The following LSM14A variants were observed in gnomAD, a reference collection of about 807,000 sequenced individuals.
LSM14A encodes the protein protein LSM14 homolog A.
A neutral mutation model predicts 52.4 loss-of-function variants in LSM14A; 14 were observed. That is an observed-to-expected ratio of 0.27 (90% CI 0.18 to 0.42). The LOEUF (loss-of-function observed/expected upper bound fraction) is 0.42. LSM14A is among the 10% of genes least tolerant of loss of function. The pLI is 1.00. For synonymous variants in LSM14A, 185 were observed against 200.3 expected (o/e 0.92, Z 0.64); for missense variants, 417 against 581.8 (o/e 0.72, Z 2.91).
chr19:34,209,888 C>T (rs2072008365), intron 4 of LSM14A, among the ~76,000 whole-genome samples: 1 of 150,398 alleles, frequency 6.6e-6, no homozygotes, highest in African/African-American at 2.4e-5. Flanking sequence ...GCTGCCCAAA[C>T]TGAAATGCAG....
At chr19:34,196,215 A>G (rs1451574897) in intron 2 of LSM14A, among the ~76,000 whole-genome samples, 1 of 152,224 alleles carries the variant, frequency 6.6e-6, no homozygotes, top group African/African-American at 2.4e-5. Flanking sequence ...CTGTGAATTT[A>G]ATAGTAGGCC....
intron 1 of LSM14A, among the ~76,000 whole-genome samples, chr19:34,193,590 A>G (rs1225569382): frequency 7.2e-5 from 11 of 152,178 alleles, no homozygotes; most frequent in African/African-American, 2.7e-4. Context: ...TGCTGTCTTC[A>G]TTGTTAAAAT....
At chr19:34,175,032 C>T (rs939422741) in intron 1 of LSM14A, among the ~76,000 whole-genome samples, 11 of 152,062 alleles carry the variant, frequency 7.2e-5, no homozygotes, top group Admixed American at 2.0e-4. Flanking sequence ...TTTTCAGCAG[C>T]TTTTAGAGTC....
Position 34,223,254 on chromosome 19 carries a change from A to AT in LSM14A, c.1368+1524dup, listed in dbSNP as rs201575942. Among the ~76,000 whole-genome samples the AT allele has an allele frequency of 2.5e-3, 381 of 151,474 alleles. 2 individuals carry two copies. Among genetic ancestry groups the AT allele is most frequent in the African/African-American group, 8.8e-3 (365 of 41,304 alleles). ...CACCACCATGCCCAGCTAATTTTTA[A>AT]TTTTTTTTGTAGACACTGGGTCCCA... is the stretch of plus-strand genomic sequence containing the variant. On this transcript the variant is annotated intron_variant, in intron 9 of 9. Transcript: ENST00000544216.
intron 3 of LSM14A, 157 bp from the exon 4 acceptor site, chr19:34,208,772 A>T: frequency 1.7e-6 from 1 of 587,750 alleles, no homozygotes; most frequent in Non-Finnish European, 2.9e-6. Flanking sequence ...TTCCCAAACT[A>T]TTCAGTACAC....
intron 9 of LSM14A, among the ~76,000 whole-genome samples, chr19:34,222,214 A>G (rs1402098767): frequency 6.6e-6 from 1 of 152,242 alleles, no homozygotes. Context: ...TCACATAGCT[A>G]GTAAGTGATG....
chr19:34,198,562 G>A (rs1344201708), intron 3 of LSM14A, among the ~76,000 whole-genome samples: 2 of 152,206 alleles, frequency 1.3e-5, no homozygotes, highest in South Asian at 2.1e-4. Context: ...GTTGCAGTGA[G>A]CTGAGATCGT....
Position 34,215,140 on chromosome 19 carries a change from G to A in LSM14A, c.555G>A (p.Gln185=). The part of the protein sequence containing the change: ...TQLSQGRSSP[Q]LDPLRKSPTM... ...ACATTTTAGGTCGCTCAAGCCCTCA[G>A]TTAGACCCTTTGAGAAAAAGCCCAA... Residue 185 remains glutamine (Q), a synonymous_variant, in exon 5 of 10, where the codon CAG becomes CAA. Transcript: ENST00000544216. 6.2e-7 allele frequency: 1 copy of A among 1,613,054 alleles called. No individual in the cohort carries two copies. The highest frequency in any genetic ancestry group is 1.1e-5 in the South Asian group (1 of 90,868).
At chr19:34,186,578 G>C (rs1480109831) in intron 1 of LSM14A, among the ~76,000 whole-genome samples, 1 of 152,090 alleles carries the variant, frequency 6.6e-6, no homozygotes, top group Non-Finnish European at 1.5e-5. Context: ...GATTTATTCT[G>C]TTTCTCTATA....
intron 3 of LSM14A, among the ~76,000 whole-genome samples, chr19:34,204,604 A>G (rs2071545993): frequency 6.6e-6 from 1 of 151,852 alleles, no homozygotes; most frequent in Non-Finnish European, 1.5e-5. Flanking sequence ...CTGTAGTCCT[A>G]GCACTCAGGA....
intron 1 of LSM14A, among the ~76,000 whole-genome samples, chr19:34,188,116 A>C (rs956634748): frequency 1.3e-5 from 2 of 151,960 alleles, no homozygotes; most frequent in Admixed American, 6.6e-5. Context: ...GCGAAATCCT[A>C]TCTCTACAAA....
intron 1 of LSM14A, among the ~76,000 whole-genome samples, chr19:34,191,330 C>T (rs2070366199): frequency 6.6e-6 from 1 of 152,000 alleles, no homozygotes; most frequent in Non-Finnish European, 1.5e-5. Context: ...AATACTAATA[C>T]TGAATGTATT....
chr19:34,215,832 G>A (rs571308362), intron 6 of LSM14A, among the ~76,000 whole-genome samples, 171 bp downstream of exon 6: 2 of 152,276 alleles, frequency 1.3e-5, no homozygotes, highest in South Asian at 2.1e-4. Flanking sequence ...CTTGATTGTG[G>A]TGGTAGTTTT....
intron 1 of LSM14A, among the ~76,000 whole-genome samples, chr19:34,188,508 T>A (rs1311447425): frequency 6.6e-6 from 1 of 152,186 alleles, no homozygotes; most frequent in Non-Finnish European, 1.5e-5. Context: ...TACAATTCAG[T>A]GGCACTTAGT....
chr19:34,194,440 A>G (rs758375319), intron 1 of LSM14A, 38 bp from the exon 2 acceptor site: 79 of 1,541,450 alleles, frequency 5.1e-5, no homozygotes, highest in Admixed American at 1.2e-4. Flanking sequence ...GAATGTGATG[A>G]GTAGTCACAC....
chr19:34,226,375 C>CTTTTTT (rs528137318), intron 9 of LSM14A: 342 of 1,195,872 alleles, frequency 2.9e-4, no homozygotes, highest in South Asian at 1.0e-3. Flanking sequence ...ATCTCTTTCT[C>CTTTTTT]TTTTTTTTTT....
intron 1 of LSM14A, among the ~76,000 whole-genome samples, chr19:34,185,627 T>C (rs2069841568): frequency 6.6e-6 from 1 of 152,226 alleles, no homozygotes; most frequent in Non-Finnish European, 1.5e-5. Context: ...GCAAGAGTAC[T>C]GCGTTGTAGA....
intron 9 of LSM14A, chr19:34,226,304 C>A (rs1026638338): frequency 3.3e-5 from 38 of 1,146,398 alleles, no homozygotes; most frequent in Non-Finnish European, 4.6e-5. Flanking sequence ...CTGAATGACT[C>A]AGCATAATGC....
At chr19:34,194,344 C>G in intron 1 of LSM14A, 134 bp from the exon 2 acceptor site, 1 of 848,100 alleles carries the variant, frequency 1.2e-6, no homozygotes, top group Non-Finnish European at 1.8e-6. Context: ...ACTTTTTTAG[C>G]TATAGATTAA....
Sources: allele counts gnomAD v4.1 joint callset (sites outside exome capture counted in the v4.1 genomes callset), GRCh38; gene constraint gnomAD v4.1.1; transcripts MANE v1.5; gene names NCBI Gene and HGNC (gene_info 2026-07-23, HGNC 2026-07-21).